NRG3: variants seen among roughly 807,000 people sequenced by gnomAD.
NRG3 encodes pro-neuregulin-3, membrane-bound isoform.
In NRG3, 31 loss-of-function variants were observed where a neutral mutation model predicts 66.9. The observed-to-expected ratio is 0.46, with a 90% CI of 0.35 to 0.63. NRG3 has a LOEUF of 0.63. Ranked by LOEUF, NRG3 falls within the 20% of genes least tolerant of loss-of-function variation. The probability of loss-of-function intolerance (pLI) is 0.00; values close to 1 mark genes in which losing one functional copy is unlikely to be tolerated. For synonymous variants in NRG3, 393 were observed against 359.4 expected, an observed-to-expected ratio of 1.09 and a Z score of -1.06; for missense variants, 910 against 878.9, an observed-to-expected ratio of 1.04 and a Z score of -0.45.
intron 2 of NRG3, among the ~76,000 whole-genome samples, chr10:82,622,636 A>C (rs1434114153): frequency 6.6e-6 from 1 of 152,184 alleles, no homozygotes; most frequent in African/African-American, 2.4e-5. Context: ...AGTAAGCAGC[A>C]GGATACTCTC....
chr10:82,123,281 C>T (rs2068211661), intron 1 of NRG3, among the ~76,000 whole-genome samples: 1 of 152,114 alleles, frequency 6.6e-6, no homozygotes, highest in Admixed American at 6.6e-5. Flanking sequence ...TTCCCCTGAA[C>T]TTCAGAGACA....
intron 2 of NRG3, among the ~76,000 whole-genome samples, chr10:82,571,275 G>A (rs1009419161): frequency 6.6e-6 from 1 of 151,336 alleles, no homozygotes; most frequent in Non-Finnish European, 1.5e-5. Context: ...CTAGACAAGG[G>A]ATTGAACAAA....
intron 4 of NRG3, among the ~76,000 whole-genome samples, chr10:82,912,687 T>C (rs1022567314): frequency 1.3e-5 from 2 of 152,212 alleles, no homozygotes; most frequent in Non-Finnish European, 2.9e-5. Context: ...ATCATATTTG[T>C]AAATGTTTTT....
intron 2 of NRG3, among the ~76,000 whole-genome samples, chr10:82,360,999 T>G (rs915502614): frequency 2.6e-5 from 4 of 152,172 alleles, no homozygotes; most frequent in African/African-American, 9.7e-5. Context: ...TTAACTTCAT[T>G]ACTTCTGTGA....
chr10:82,826,432 G>A (rs978347049), intron 3 of NRG3, among the ~76,000 whole-genome samples: 2 of 152,216 alleles, frequency 1.3e-5, no homozygotes, highest in Non-Finnish European at 2.9e-5. Flanking sequence ...GTGAGTTGGG[G>A]CAGAGGAATA....
chr10:82,845,543 A>G (rs1194933514), intron 3 of NRG3, among the ~76,000 whole-genome samples: 3 of 152,342 alleles, frequency 2.0e-5, no homozygotes, highest in Non-Finnish European at 4.4e-5. Flanking sequence ...GCAAAAAAAA[A>G]AGGGTGTAGA....
intron 1 of NRG3, among the ~76,000 whole-genome samples, chr10:82,102,003 G>GTATATATATATATATATATATA (rs142461785): frequency 1.5e-5 from 2 of 129,234 alleles, no homozygotes; most frequent in Non-Finnish European, 3.4e-5. Context: ...ATATGTGTGC[G>GTATATATATATATATATATATA]TATATATATA....
Position 82,094,457 on chromosome 10 carries a change from G to T in NRG3, c.823+218294G>T, listed in dbSNP as rs184031531. Among the ~76,000 whole-genome samples the T allele has an allele frequency of 1.2e-3, 185 of 152,306 alleles. 1 individual carries two copies. Among genetic ancestry groups the T allele is most frequent in the African/African-American group, 4.3e-3 (180 of 41,578 alleles). On this transcript the variant is annotated intron_variant, in intron 1 of 8. Coordinates refer to ENST00000372141, the MANE Select transcript of NRG3 (RefSeq NM_001010848.4). ...ACGATTTCTCAGAGAACTAGAAATA[G>T]ATCTACCTTTTGATCTAGCAGTTCC...
chr10:82,064,811 T>C (rs1405131486), intron 1 of NRG3, among the ~76,000 whole-genome samples: 3 of 152,152 alleles, frequency 2.0e-5, no homozygotes, highest in Non-Finnish European at 4.4e-5. Flanking sequence ...TGCTGAATAG[T>C]GAATTTGGAG....
chr10:82,393,302 C>G (rs1033213248), intron 2 of NRG3, among the ~76,000 whole-genome samples: 1 of 152,116 alleles, frequency 6.6e-6, no homozygotes, highest in Non-Finnish European at 1.5e-5. Context: ...TACTGTGTGG[C>G]TCTGACTTCT....
chr10:82,688,292 C>T (rs532481014), intron 2 of NRG3, among the ~76,000 whole-genome samples: 21 of 152,260 alleles, frequency 1.4e-4, no homozygotes, highest in African/African-American at 2.9e-4. Flanking sequence ...TTGAGCTCAG[C>T]GTTTTTATTT....
intron 1 of NRG3, among the ~76,000 whole-genome samples, chr10:82,050,280 GTAAT>G (rs2063529487): frequency 6.7e-6 from 1 of 149,486 alleles, no homozygotes; most frequent in Non-Finnish European, 1.5e-5. Flanking sequence ...TGGTGCAAAA[GTAAT>G]TGAGGTTTTT....
intron 2 of NRG3, among the ~76,000 whole-genome samples, chr10:82,449,757 G>A (rs995916544): frequency 3.9e-5 from 6 of 152,090 alleles, no homozygotes; most frequent in Non-Finnish European, 8.8e-5. Context: ...CGTCTTTCAG[G>A]GTAGAAACAG....
chr10:82,037,918 A>G (rs918902523), intron 1 of NRG3, among the ~76,000 whole-genome samples: 1 of 151,986 alleles, frequency 6.6e-6, no homozygotes, highest in Non-Finnish European at 1.5e-5. Context: ...TGTGGCATAC[A>G]GAAGGTGCTC....
chr10:82,198,851 GC>G (rs755368845), intron 1 of NRG3, among the ~76,000 whole-genome samples: 13 of 151,984 alleles, frequency 8.6e-5, no homozygotes, highest in Non-Finnish European at 1.6e-4. Context: ...ACAAAAATTA[GC>G]CAGGTGTGGT....
chr10:82,231,465 CAA>C (rs1274860406), intron 1 of NRG3, among the ~76,000 whole-genome samples: 1 of 150,476 alleles, frequency 6.6e-6, no homozygotes, highest in African/African-American at 2.4e-5. Flanking sequence ...ACAAAAAGAA[CAA>C]AGTGAAATAT....
intron 2 of NRG3, among the ~76,000 whole-genome samples, chr10:82,553,293 A>T (rs2044443305): frequency 6.6e-6 from 1 of 151,908 alleles, no homozygotes; most frequent in Non-Finnish European, 1.5e-5. Flanking sequence ...TTCTAAAGAC[A>T]AACGAATAGG....
At chr10:82,968,055 GC>G (rs1851371161) in intron 6 of NRG3, among the ~76,000 whole-genome samples, 1 of 152,198 alleles carries the variant, frequency 6.6e-6, no homozygotes, top group African/African-American at 2.4e-5. Context: ...GTGGCAGTGT[GC>G]CCTTCAACCT....
chr10:81,986,588 A>T (rs575144694), intron 1 of NRG3, among the ~76,000 whole-genome samples: 1 of 152,354 alleles, frequency 6.6e-6, no homozygotes, highest in African/African-American at 2.4e-5. Context: ...AATTAAAATG[A>T]TACTTGGAAA....
Sources: gnomAD v4.1 joint callset for allele counts (sites outside exome capture counted in the v4.1 genomes callset) on GRCh38, gnomAD v4.1.1 for gene constraint, MANE v1.5 for transcripts, NCBI Gene and HGNC (gene_info 2026-07-23, HGNC 2026-07-21) for gene names.